The following RAD50 variants were observed in gnomAD, a reference collection of about 807,000 sequenced individuals.
RAD50 encodes DNA repair protein RAD50.
Under a neutral mutation model 168.8 loss-of-function variants are expected in RAD50, and 132 were observed. That is an observed-to-expected ratio of 0.78 (90% CI 0.68 to 0.90). The LOEUF (loss-of-function observed/expected upper bound fraction) is 0.90, where lower values mean the gene tolerates loss of function less well. Ranked by LOEUF, RAD50 falls within the 40% of genes least tolerant of loss-of-function variation. The pLI is 0.00. For synonymous variants in RAD50, 525 were observed against 497.4 expected (o/e 1.06, Z -0.74); for missense variants, 1,347 against 1,534.4 (o/e 0.88, Z 2.04).
intron 3 of RAD50, among the ~76,000 whole-genome samples, chr5:132,578,282 A>C (rs1750434904): frequency 6.6e-6 from 1 of 152,182 alleles, no homozygotes. Context: ...CCAGTGACAA[A>C]AGCCAAGAAC....
At chr5:132,609,259 C>CA in intron 18 of RAD50, 24 bp from the exon 19 acceptor site, 1 of 1,607,476 alleles carries the variant, frequency 6.2e-7, no homozygotes, top group South Asian at 1.1e-5. Context: ...TATTCATGTG[C>CA]TTAAAGAATT....
intron 2 of RAD50, among the ~76,000 whole-genome samples, chr5:132,570,494 A>G (rs1750283298): frequency 6.6e-6 from 1 of 152,266 alleles, no homozygotes; most frequent in East Asian, 1.9e-4. Flanking sequence ...CTCCTGCATC[A>G]GCACTTGCTG....
chr5:132,572,019 G>A (rs964248970), intron 2 of RAD50, among the ~76,000 whole-genome samples: 5 of 152,138 alleles, frequency 3.3e-5, no homozygotes, highest in Non-Finnish European at 5.9e-5. Flanking sequence ...GTGTAATTCT[G>A]AACTGAATCC....
chr5:132,593,903 A>G (rs1188662665), intron 11 of RAD50, among the ~76,000 whole-genome samples: 1 of 152,206 alleles, frequency 6.6e-6, no homozygotes, highest in African/African-American at 2.4e-5. Context: ...AACCAGGGTG[A>G]GAGCCAGATA....
At position 132,642,789 on chromosome 5, in the gene RAD50, A is replaced by G. The variant is rs765474486; in HGVS notation, c.*425A>G. 8.3e-5 allele frequency: 29 copies of G among 350,960 alleles called. No individual in the cohort carries two copies. Among genetic ancestry groups the G allele is most frequent in the Non-Finnish European group, 1.3e-4 (23 of 181,178 alleles). 21.7% of individuals were successfully genotyped at this position (350,960 alleles called of 1,614,324 possible). On this transcript the variant is annotated 3_prime_UTR_variant, in exon 25 of 25. Coordinates refer to ENST00000378823, the MANE Select transcript of RAD50 (RefSeq NM_005732.4). ...ATTTACTTCCTTGCATGTGGTTTGAAAAACTGAGTATTAATATCTGAGGAT... is the reference window on the plus strand; with the variant it reads ...ATTTACTTCCTTGCATGTGGTTTGAGAAACTGAGTATTAATATCTGAGGAT...
At chr5:132,580,176 G>C in intron 5 of RAD50, 110 bp downstream of exon 5, 1 of 894,912 alleles carries the variant, frequency 1.1e-6, no homozygotes, top group Non-Finnish European at 1.7e-6. Context: ...GCTATTTAAC[G>C]TTCATTACTT....
At chr5:132,635,422 C>T (rs771333043) in intron 21 of RAD50, among the ~76,000 whole-genome samples, 4 of 152,188 alleles carry the variant, frequency 2.6e-5, no homozygotes, top group Non-Finnish European at 5.9e-5. Context: ...CCATAGTAGA[C>T]AGAGAGGATA....
At chr5:132,598,051 C>CT (rs11414936) in intron 13 of RAD50, among the ~76,000 whole-genome samples, 16,569 of 142,596 alleles carry the variant, frequency 0.12, 1,323 homozygotes, top group East Asian at 0.31. Context: ...ATCACGGCTC[C>CT]TTTTTTTTTT....
chr5:132,588,666 A>G (rs1750639699), intron 7 of RAD50, 21 bp from the exon 8 acceptor site: 2 of 1,604,666 alleles, frequency 1.2e-6, no homozygotes, highest in Non-Finnish European at 1.7e-6. Flanking sequence ...AAAAAAAATT[A>G]TGAGATTTTT....
intron 21 of RAD50, among the ~76,000 whole-genome samples, chr5:132,633,103 T>C (rs191875584): frequency 0.029 from 4,153 of 144,966 alleles, 84 homozygotes; most frequent in Non-Finnish European, 0.046. Context: ...TTTTTCTTTT[T>C]TTTTTTTTTT....
At chr5:132,607,661 AAC>A (rs1751009293) in intron 16 of RAD50, among the ~76,000 whole-genome samples, 1 of 151,704 alleles carries the variant, frequency 6.6e-6, no homozygotes, top group South Asian at 2.1e-4. Context: ...GTGCCTCAGC[AAC>A]CCTATTTAGA....
intron 2 of RAD50, among the ~76,000 whole-genome samples, chr5:132,572,919 T>C (rs1049127563): frequency 2.6e-5 from 4 of 152,258 alleles, no homozygotes; most frequent in African/African-American, 9.6e-5. Context: ...TTTTGCTGTG[T>C]AATGTAACAT....
rs1036366021 is a variant in RAD50 at position 132,645,203 on chromosome 5, A to T, written c.*2839A>T. 2.0e-5 allele frequency: 3 copies of T among 152,182 alleles called. No individual in the cohort carries two copies. Among genetic ancestry groups the T allele is most frequent in the African/African-American group, 7.2e-5 (3 of 41,428 alleles). 9.4% of individuals were successfully genotyped at this position (152,182 alleles called of 1,614,324 possible). ...TTTCCTGTGGTCCTCAACCCCAGCA[A>T]TTCTTTGACCCCACTGAGATTTCAA... On this transcript the variant is annotated 3_prime_UTR_variant, in exon 25 of 25. Coordinates refer to ENST00000378823, the MANE Select transcript of RAD50 (RefSeq NM_005732.4).
chr5:132,564,250 G>C (rs941303088), intron 2 of RAD50, among the ~76,000 whole-genome samples: 2 of 152,208 alleles, frequency 1.3e-5, no homozygotes, highest in African/African-American at 4.8e-5. Context: ...ACTTCCTAGA[G>C]ACTTGTTAAA....
At chr5:132,618,573 T>C (rs1458681708) in intron 21 of RAD50, among the ~76,000 whole-genome samples, 2 of 152,114 alleles carry the variant, frequency 1.3e-5, no homozygotes, top group Non-Finnish European at 2.9e-5. Context: ...AGACGGGGTT[T>C]CTCCATGTAG....
intron 2 of RAD50, among the ~76,000 whole-genome samples, chr5:132,571,011 C>T (rs987891245): frequency 6.6e-6 from 1 of 152,040 alleles, no homozygotes. Flanking sequence ...CAATCAGGTT[C>T]CAAGGAGAGG....
chr5:132,588,204 T>G (rs967321752), intron 7 of RAD50, 115 bp downstream of exon 7: 5 of 1,195,286 alleles, frequency 4.2e-6, no homozygotes, highest in Non-Finnish European at 6.0e-6. Context: ...TAAAAGGCTA[T>G]ACACAGTATG....
Position 132,570,671 on chromosome 5 carries a change from A to G in RAD50, c.214-5106A>G, listed in dbSNP as rs573565533. ...CTGGATTAGGTTTTGGCCTGAGGGA[A>G]TGTTGTGGCTGGTTTAATCTATCCC... On this transcript the variant is annotated intron_variant, in intron 2 of 24. Coordinates refer to ENST00000378823, the MANE Select transcript of RAD50 (RefSeq NM_005732.4). Among the ~76,000 whole-genome samples, 4 of 152,324 alleles carry G rather than the reference A, an allele frequency of 2.6e-5. No individual in the cohort carries two copies. In the South Asian group the frequency reaches 8.3e-4, roughly 32 times the overall value.
intron 16 of RAD50, 74 bp downstream of exon 16, chr5:132,605,073 C>A: frequency 8.4e-7 from 1 of 1,185,780 alleles, no homozygotes; most frequent in Non-Finnish European, 1.1e-6. Context: ...TTGAGACAGT[C>A]TCGTTCTGTC....
Sources: allele counts gnomAD v4.1 joint callset (sites outside exome capture counted in the v4.1 genomes callset), GRCh38; gene constraint gnomAD v4.1.1; transcripts MANE v1.5; gene names NCBI Gene and HGNC (gene_info 2026-07-23, HGNC 2026-07-21).